PTK2: variants seen among roughly 807,000 people sequenced by gnomAD.
PTK2 encodes protein tyrosine kinase 2.
PTK2 carries 45 observed loss-of-function variants against 150.1 expected under a neutral mutation model. The ratio of observed to expected loss-of-function variants is 0.30; its 90% CI spans 0.24 to 0.38. The LOEUF is 0.38. PTK2 is among the 10% of genes least tolerant of loss of function. The pLI is 1.00. For missense variants in PTK2, 919 were observed against 1,307.3 expected (o/e 0.70, Z 4.58); for synonymous variants, 432 against 449.2 (o/e 0.96, Z 0.48).
At chr8:140,743,355 T>C (rs766186951) in intron 19 of PTK2, 25 bp from the exon 23 acceptor site, 1 of 1,579,750 alleles carries the variant, frequency 6.3e-7, no homozygotes, top group East Asian at 2.2e-5. Context: ...TTTGAGACAA[T>C]AAGACTTAAA....
chr8:140,778,897 T>C (rs535319542), intron 14 of PTK2, among the ~76,000 whole-genome samples: 4 of 152,108 alleles, frequency 2.6e-5, no homozygotes, highest in South Asian at 4.2e-4. Flanking sequence ...AGGAGAGTTA[T>C]AGTTGTAGAT....
At chr8:140,739,396 T>A (rs957004852) in intron 20 of PTK2, among the ~76,000 whole-genome samples, 2 of 152,038 alleles carry the variant, frequency 1.3e-5, no homozygotes, top group African/African-American at 4.8e-5. Context: ...TAGGTGCAGG[T>A]ATTAGGTGCA....
At chr8:140,791,778 C>T (rs1453912926) in intron 13 of PTK2, among the ~76,000 whole-genome samples, 2 of 152,016 alleles carry the variant, frequency 1.3e-5, no homozygotes, top group African/African-American at 2.4e-5. Flanking sequence ...CATGCAAAGA[C>T]AGAATATTGG....
chr8:140,884,591 T>C (rs2100151610), intron 3 of PTK2, among the ~76,000 whole-genome samples: 1 of 152,130 alleles, frequency 6.6e-6, no homozygotes, highest in South Asian at 2.1e-4. Context: ...CAATAAACAC[T>C]GAAGACCGTT....
intron 1 of PTK2, among the ~76,000 whole-genome samples, chr8:140,971,435 C>T (rs2154609650): frequency 6.6e-6 from 1 of 152,324 alleles, no homozygotes; most frequent in East Asian, 1.9e-4. Flanking sequence ...CTTGACTTGG[C>T]CTACCACACA....
At chr8:140,750,973 G>GA (rs1442011242) in intron 17 of PTK2, among the ~76,000 whole-genome samples, 1 of 152,042 alleles carries the variant, frequency 6.6e-6, no homozygotes, top group Non-Finnish European at 1.5e-5. Context: ...AAATTAGCTG[G>GA]ATGTGGTGGC....
At chr8:140,696,737 A>T (rs2100026796) in intron 26 of PTK2, among the ~76,000 whole-genome samples, 1 of 152,194 alleles carries the variant, frequency 6.6e-6, no homozygotes, top group Non-Finnish European at 1.5e-5. Context: ...AGAAAAAAAT[A>T]AACTCATAAA....
chr8:140,777,153 G>T lies in PTK2; in HGVS notation c.1177+12321C>A, dbSNP rs549818989. Among the ~76,000 whole-genome samples the T allele has an allele frequency of 3.3e-5, 5 of 152,192 alleles. No homozygotes were observed. In the South Asian group the frequency reaches 1.0e-3, roughly 31 times the overall value. On this transcript the variant is annotated intron_variant, in intron 14 of 31. Coordinates refer to ENST00000522684, the Ensembl canonical transcript of PTK2. ...TTGTTTGCTGTATTAGGCCATTATTGTATTGCTATCAAGAAATACCGGAGA... is the reference window on the plus strand; with the variant it reads ...TTGTTTGCTGTATTAGGCCATTATTTTATTGCTATCAAGAAATACCGGAGA...
intron 20 of PTK2, among the ~76,000 whole-genome samples, chr8:140,741,693 A>G (rs1295783637): frequency 6.6e-6 from 1 of 152,166 alleles, no homozygotes; most frequent in African/African-American, 2.4e-5. Flanking sequence ...ATAGCACAAT[A>G]TGGATTTATC....
chr8:140,970,122 A>T (rs1461435845), intron 1 of PTK2, among the ~76,000 whole-genome samples: 1 of 152,280 alleles, frequency 6.6e-6, no homozygotes, highest in African/African-American at 2.4e-5. Flanking sequence ...CCACAGCAGC[A>T]GAGGCTTCAA....
At chr8:140,798,144 T>C (rs1212172856) in intron 12 of PTK2, among the ~76,000 whole-genome samples, 1 of 152,198 alleles carries the variant, frequency 6.6e-6, no homozygotes, top group Non-Finnish European at 1.5e-5. Flanking sequence ...TATATAATTA[T>C]TATTTAAAGC....
chr8:140,761,702 C>T (rs1431012866), intron 15 of PTK2, among the ~76,000 whole-genome samples: 3 of 151,968 alleles, frequency 2.0e-5, no homozygotes, highest in African/African-American at 2.4e-5. Context: ...ATGGAAGCAA[C>T]ATAAAATTAT....
chr8:140,681,637 C>T (rs910043795), intron 27 of PTK2, among the ~76,000 whole-genome samples: 6 of 151,814 alleles, frequency 4.0e-5, no homozygotes, highest in African/African-American at 1.2e-4. Context: ...ATTAGCCGGG[C>T]GTGGTGGCGG....
At chr8:140,738,797 G>A (rs1468403772) in intron 21 of PTK2, among the ~76,000 whole-genome samples, 4 of 152,126 alleles carry the variant, frequency 2.6e-5, no homozygotes, top group Non-Finnish European at 4.4e-5. Context: ...GAAGGAGCTG[G>A]GCAATTAGAA....
chr8:140,926,841 T>G (rs1487263253), intron 1 of PTK2, among the ~76,000 whole-genome samples: 1 of 152,230 alleles, frequency 6.6e-6, no homozygotes, highest in Non-Finnish European at 1.5e-5. Flanking sequence ...GCATAAAAAC[T>G]ATTTCATTAT....
chr8:140,951,044 C>T (rs2100179395), intron 1 of PTK2, among the ~76,000 whole-genome samples: 1 of 152,028 alleles, frequency 6.6e-6, no homozygotes, highest in Non-Finnish European at 1.5e-5. Context: ...CTCATCTGCC[C>T]ATATGCTATA....
At chr8:140,663,045 C>T (rs1467197276) in intron 31 of PTK2, 2 of 324,534 alleles carry the variant, frequency 6.2e-6, no homozygotes, top group African/African-American at 4.2e-5. Context: ...ACCGACGACC[C>T]TGGAACGTGC....
At chr8:140,659,593 C>G (rs990008323) in exon 32 of PTK2, 1 of 1,614,162 alleles carries the variant, frequency 6.2e-7, no homozygotes, top group Non-Finnish European at 8.5e-7. Context: ...TTGCTGGAGG[C>G]TGGTCATGAC....
intron 17 of PTK2, among the ~76,000 whole-genome samples, chr8:140,750,588 A>G (rs889970730): frequency 6.6e-6 from 1 of 152,242 alleles, no homozygotes; most frequent in Non-Finnish European, 1.5e-5. Flanking sequence ...TGGGGCCTGA[A>G]GCATGAGAAG....
Sources: allele counts gnomAD v4.1 joint callset (sites outside exome capture counted in the v4.1 genomes callset), GRCh38; gene constraint gnomAD v4.1.1; transcripts MANE v1.5; gene names NCBI Gene and HGNC (gene_info 2026-07-23, HGNC 2026-07-21).